DVL1: variants seen among roughly 807,000 people sequenced by gnomAD.
DVL1 encodes the protein dishevelled segment polarity protein 1, also known as segment polarity protein dishevelled homolog DVL-1.
In DVL1, 49 loss-of-function variants were observed where a neutral mutation model predicts 65.0. The observed-to-expected ratio is 0.75, with a 90% CI of 0.60 to 0.96. The LOEUF (loss-of-function observed/expected upper bound fraction) is 0.96, where lower values mean the gene tolerates loss of function less well. Among genes scored for constraint, DVL1 ranks in the 40% least tolerant of loss-of-function variants. DVL1 has a pLI of 0.00. For synonymous variants in DVL1, 608 were observed against 433.9 expected (o/e 1.40, Z -4.99); for missense variants, 1,197 against 1,045.4 (o/e 1.15, Z -2.00).
chr1:1,338,229 T>TTGCCCCCC, intron 13 of DVL1, 40 bp downstream of exon 13: 44 of 1,522,150 alleles, frequency 2.9e-5, no homozygotes, highest in Non-Finnish European at 3.5e-5. Flanking sequence ...CCTCCGGCGT[T>TTGCCCCCC]CCCCTCCCCC....
In DVL1 at chr1:1,338,017, A is replaced by G. The variant is rs765234696; in HGVS notation, c.1674T>C (p.Phe558=). 14 of 1,611,876 alleles carry G rather than the reference A, an allele frequency of 8.7e-6. No homozygotes were observed. The Admixed American group carries it at 1.5e-4, about 17-fold the overall frequency. ...CFPPAYQDPG[F]SYGSGSTGSQ... ...TCCCGGTGCTGCCGCTGCCATAGCT[A>G]AAGCCCGGGTCCTGGTAGGCAGGCG... is the stretch of plus-strand genomic sequence containing the variant. The change falls in exon 14 of 15, where the codon TTT becomes TTC. Residue 558 remains phenylalanine (F), a synonymous_variant. Coordinates refer to ENST00000378888, the MANE Select transcript of DVL1 (RefSeq NM_001330311.2).
At chr1:1,343,554 G>A (rs1357190226) in intron 1 of DVL1, among the ~76,000 whole-genome samples, 1 of 152,184 alleles carries the variant, frequency 6.6e-6, no homozygotes, top group Non-Finnish European at 1.5e-5. Flanking sequence ...CATGCCCTAT[G>A]GCCCTACTCC....
chr1:1,341,751 G>T lies in DVL1; in HGVS notation c.521C>A (p.Pro174His), dbSNP rs1450213374. Residue 174 changes from proline to histidine, a missense_variant, in exon 5 of 15, where the codon CCC becomes CAC. Physicochemically the swap from Pro to His is moderately conservative, Grantham distance 77. Transcript: ENST00000378888. The part of the protein sequence containing the change: ...RGDRRRDVGL[P>H]PDSASTALSS... Reference sequence around the variant, plus strand: ...GAGGGCGGTGGACGCGCTGTCTGGGGGCAGCCCCACATCCCGCCGTCGGTC... The same window carrying T: ...GAGGGCGGTGGACGCGCTGTCTGGGTGCAGCCCCACATCCCGCCGTCGGTC... The T allele has an allele frequency of 6.2e-7, 1 of 1,608,464 alleles. No homozygotes were observed. Among genetic ancestry groups the T allele is most frequent in the Non-Finnish European group, 8.5e-7 (1 of 1,177,338 alleles).
intron 11 of DVL1, 21 bp downstream of exon 11, chr1:1,339,266 C>T (rs1333381716): frequency 4.5e-6 from 7 of 1,548,108 alleles, no homozygotes; most frequent in Non-Finnish European, 6.1e-6. Context: ...TCTGCTGGGG[C>T]CCTCAGGAGC....
intron 5 of DVL1, 53 bp from the exon 6 acceptor site, chr1:1,340,556 G>A (rs1643764023): frequency 6.5e-7 from 1 of 1,538,072 alleles, no homozygotes; most frequent in South Asian, 1.2e-5. Flanking sequence ...GTAGGGGGGT[G>A]GGAACCCGCT....
At chr1:1,337,170 G>A in intron 14 of DVL1, 4 of 874,286 alleles carry the variant, frequency 4.6e-6, no homozygotes, top group Non-Finnish European at 5.5e-6. Context: ...GGGCTGAAGT[G>A]GGCGCAAGCG....
At position 1,336,058 on chromosome 1, in the gene DVL1, C is replaced by A. The variant is rs979971926; in HGVS notation, c.*84G>T. ...CCACCCTGCCTCCCGTCCTGGCCCCCACGAAGGCAAGCCCACGCGAGCTCT... is the reference window on the plus strand; with the variant it reads ...CCACCCTGCCTCCCGTCCTGGCCCCAACGAAGGCAAGCCCACGCGAGCTCT... On this transcript the variant is annotated 3_prime_UTR_variant, in exon 15 of 15. Transcript: ENST00000378888. The A allele has an allele frequency of 2.3e-4, 348 of 1,508,054 alleles. No individual in the cohort carries two copies. The highest frequency in any genetic ancestry group is 2.9e-4 in the Non-Finnish European group (325 of 1,129,160). The allele number at this position is 1,508,054 out of a possible 1,614,324, so 93.4% of individuals were successfully genotyped here.
In DVL1 at chr1:1,336,418, C is replaced by G. The variant is rs145478154; in HGVS notation, c.1812G>C (p.Ser604=). ...AAGAGGSGSE[S]DHTAPSGVGS... ...CCACCCCACTCGGTGCCGTGTGATC[C>G]GATTCACTGCCACTGCCCCCAGCTC... Residue 604 remains serine (S), a synonymous_variant, in exon 15 of 15, where the codon TCG becomes TCC. Transcript: ENST00000378888. 1 of 1,596,100 alleles carries G rather than the reference C, an allele frequency of 6.3e-7. No individual in the cohort carries two copies. The highest frequency in any genetic ancestry group is 1.7e-5 in the Admixed American group (1 of 59,254).
intron 1 of DVL1, among the ~76,000 whole-genome samples, chr1:1,346,618 G>C (rs1049671426): frequency 6.6e-6 from 1 of 152,362 alleles, no homozygotes; most frequent in South Asian, 2.1e-4. Context: ...AAAGCCGTGC[G>C]TGGGGAGTGG....
chr1:1,344,925 T>C (rs1017187732), intron 1 of DVL1, among the ~76,000 whole-genome samples: 5 of 151,960 alleles, frequency 3.3e-5, no homozygotes, highest in Admixed American at 3.3e-4. Context: ...GCTTCTCCCC[T>C]GCCACACCCA....
chr1:1,342,837 C>A (rs554042814), intron 1 of DVL1, 79 bp from the exon 2 acceptor site: 5 of 1,410,838 alleles, frequency 3.5e-6, no homozygotes, highest in Non-Finnish European at 4.9e-6. Context: ...GGAGAGCAGG[C>A]GCTCCTCCTG....
intron 1 of DVL1, 59 bp downstream of exon 1, chr1:1,348,837 C>A (rs1643966812): frequency 3.6e-6 from 5 of 1,396,032 alleles, no homozygotes; most frequent in Non-Finnish European, 4.7e-6. Context: ...CGTCCCCGCG[C>A]GGGCAGGTGC....
At position 1,341,057 on chromosome 1, in the gene DVL1, ATGCACACC is replaced by A. The variant is rs946469529; in HGVS notation, c.606-562_606-555del. On this transcript the variant is annotated intron_variant, in intron 5 of 14. Coordinates refer to ENST00000378888, the MANE Select transcript of DVL1 (RefSeq NM_001330311.2). ...TGCACACACGCACCCCTGCACACAC[ATGCACACC>A]TGCACACACGCACCCCTGCACACAG... Among the ~76,000 whole-genome samples the A allele has an allele frequency of 8.4e-5, 12 of 143,100 alleles. No homozygotes were observed. In the South Asian group the frequency reaches 2.5e-3, roughly 30 times the overall value. The allele number at this position is 143,100 out of a possible 152,430, so 93.9% of individuals were successfully genotyped here. A position where few individuals can be genotyped will look rare whatever the true frequency, so the allele number is the denominator to read the frequency against.
In DVL1 at chr1:1,342,501, C is replaced by A. The variant is rs766649433; in HGVS notation, c.241-17G>T. On this transcript the variant is annotated splice_polypyrimidine_tract_variant and intron_variant, in intron 2 of 14. Transcript: ENST00000378888. ...CAGGACCAGCTGTGGAGGGAGCAGG[C>A]ATGCTCAGGGGAGCCCACCCGCCTT... 8.1e-6 allele frequency: 13 copies of A among 1,608,400 alleles called. No homozygotes were observed. The African/African-American group carries it at 1.1e-4, about 13-fold the overall frequency.
At chr1:1,342,559 G>C in intron 2 of DVL1, 75 bp from the exon 3 acceptor site, 1 of 1,578,134 alleles carries the variant, frequency 6.3e-7, no homozygotes, top group Non-Finnish European at 8.6e-7. Context: ...CAGGGAACAG[G>C]GGGCCAGCAA....
At chr1:1,347,963 C>T (rs899370597) in intron 1 of DVL1, among the ~76,000 whole-genome samples, 1 of 152,208 alleles carries the variant, frequency 6.6e-6, no homozygotes, top group Non-Finnish European at 1.5e-5. Context: ...GCCTGAGGAC[C>T]CTGCAACCAC....
At chr1:1,337,462 G>A (rs3820077) in intron 14 of DVL1, among the ~76,000 whole-genome samples, 2,083 of 152,274 alleles carry the variant, frequency 0.014, 111 homozygotes, top group East Asian at 0.097. Flanking sequence ...CTCCCTACCC[G>A]GGCTGCAGCT....
At chr1:1,344,408 G>A (rs1234131852) in intron 1 of DVL1, among the ~76,000 whole-genome samples, 1 of 152,194 alleles carries the variant, frequency 6.6e-6, no homozygotes, top group African/African-American at 2.4e-5. Flanking sequence ...GGTAGCAGGA[G>A]GCCCCCGGCA....
intron 14 of DVL1, chr1:1,337,135 G>C: frequency 1.0e-6 from 1 of 985,606 alleles, no homozygotes; most frequent in South Asian, 4.6e-5. Context: ...CCCGCCACCA[G>C]TGGGGACTGA....
Sources: gnomAD v4.1 joint callset for allele counts (sites outside exome capture counted in the v4.1 genomes callset) on GRCh38, gnomAD v4.1.1 for gene constraint, MANE v1.5 for transcripts, NCBI Gene and HGNC (gene_info 2026-07-23, HGNC 2026-07-21) for gene names.